Variants in SLC24A4 observed in about 807,000 individuals in gnomAD.
SLC24A4 encodes solute carrier family 24 member 4.
In SLC24A4, 53 loss-of-function variants were observed where a neutral mutation model predicts 79.0. That is an observed-to-expected ratio of 0.67 (90% CI 0.54 to 0.84). The LOEUF is 0.84. SLC24A4 is among the 40% of genes least tolerant of loss of function. The pLI is 0.00. For missense variants in SLC24A4, 731 were observed against 822.0 expected (o/e 0.89, Z 1.35); for synonymous variants, 323 against 323.8 (o/e 1.00, Z 0.03).
At chr14:92,325,133 A>G (rs911150115) in intron 1 of SLC24A4, among the ~76,000 whole-genome samples, 1 of 152,230 alleles carries the variant, frequency 6.6e-6, no homozygotes, top group Admixed American at 6.5e-5. Context: ...AGGCTCTTAG[A>G]CATCAGCATT....
intron 2 of SLC24A4, among the ~76,000 whole-genome samples, chr14:92,412,082 G>GT (rs1248233449): frequency 3.3e-5 from 5 of 152,182 alleles, no homozygotes; most frequent in African/African-American, 1.2e-4. Context: ...TCCCCAGCCA[G>GT]TCTCCCTCTA....
intron 14 of SLC24A4, among the ~76,000 whole-genome samples, chr14:92,489,085 G>T (rs777604806): frequency 3.9e-5 from 6 of 152,206 alleles, no homozygotes; most frequent in Middle Eastern, 3.4e-3. Flanking sequence ...CGGGGGTTGC[G>T]TAATAGTCCT....
chr14:92,488,363 C>T (rs977115957), intron 14 of SLC24A4, among the ~76,000 whole-genome samples: 26 of 152,316 alleles, frequency 1.7e-4, no homozygotes, highest in Admixed American at 1.4e-3. Context: ...TGAGCCACTG[C>T]ACCCAGCAGA....
At chr14:92,376,226 C>T (rs917787702) in intron 2 of SLC24A4, among the ~76,000 whole-genome samples, 2 of 152,160 alleles carry the variant, frequency 1.3e-5, no homozygotes, top group Non-Finnish European at 2.9e-5. Context: ...TACTTGGCCT[C>T]TCAAATGGAG....
intron 13 of SLC24A4, among the ~76,000 whole-genome samples, chr14:92,486,263 T>C (rs976767917): frequency 2.6e-5 from 4 of 152,170 alleles, no homozygotes; most frequent in Admixed American, 2.0e-4. Flanking sequence ...AAGAAATGAC[T>C]TCTGTAAAGT....
chr14:92,466,630 A>G (rs1244446154), intron 12 of SLC24A4, among the ~76,000 whole-genome samples: 1 of 152,256 alleles, frequency 6.6e-6, no homozygotes, highest in Non-Finnish European at 1.5e-5. Flanking sequence ...AGTGCTTCAC[A>G]TAAACATAGG....
intron 14 of SLC24A4, among the ~76,000 whole-genome samples, chr14:92,491,075 C>T (rs898922718): frequency 2.6e-5 from 4 of 152,208 alleles, no homozygotes; most frequent in Admixed American, 2.0e-4. Context: ...ACCCCAAGAT[C>T]GTTCTGGCAT....
At chr14:92,399,309 A>T (rs1228376523) in intron 2 of SLC24A4, among the ~76,000 whole-genome samples, 1 of 152,212 alleles carries the variant, frequency 6.6e-6, no homozygotes, top group African/African-American at 2.4e-5. Flanking sequence ...CTACGTAGGG[A>T]TAAAGATTTT....
At chr14:92,361,354 AG>A in intron 2 of SLC24A4, among the ~76,000 whole-genome samples, 1 of 151,554 alleles carries the variant, frequency 6.6e-6, no homozygotes, top group South Asian at 2.1e-4. Flanking sequence ...TAGAGAAGCA[AG>A]GTTGGGAAGG....
chr14:92,340,472 G>C (rs1169896687), intron 2 of SLC24A4, among the ~76,000 whole-genome samples: 1 of 152,234 alleles, frequency 6.6e-6, no homozygotes, highest in Non-Finnish European at 1.5e-5. Flanking sequence ...GCAGTAATAG[G>C]GTGGTGAGAG....
upstream of SLC24A4, chr14:92,322,765 C>T (rs959467341): frequency 6.6e-6 from 1 of 152,156 alleles, no homozygotes; most frequent in Non-Finnish European, 1.5e-5. Context: ...TTAATTTTCT[C>T]CTGCATCTTC....
intron 12 of SLC24A4, among the ~76,000 whole-genome samples, chr14:92,463,656 A>G (rs1272395861): frequency 1.3e-5 from 2 of 152,220 alleles, no homozygotes; most frequent in Non-Finnish European, 1.5e-5. Context: ...TTCATATAAC[A>G]GGTCTTTTTC....
intron 7 of SLC24A4, among the ~76,000 whole-genome samples, chr14:92,445,027 A>T (rs1245119621): frequency 2.0e-5 from 3 of 151,948 alleles, no homozygotes; most frequent in Non-Finnish European, 2.9e-5. Context: ...TACTCCATGA[A>T]TAAGGGGAGG....
intron 11 of SLC24A4, among the ~76,000 whole-genome samples, chr14:92,455,826 A>G (rs1440282657): frequency 1.3e-5 from 2 of 151,778 alleles, no homozygotes; most frequent in Non-Finnish European, 2.9e-5. Flanking sequence ...TCAGCCTCCT[A>G]AGTAGCTGGG....
rs1268348799 is a variant in SLC24A4, at chr14:92,501,311, A to G, written c.*7683A>G. 1.3e-5 allele frequency: 2 copies of G among 152,252 alleles called. No homozygotes were observed. The highest frequency in any genetic ancestry group is 1.9e-4 in the East Asian group (1 of 5,202). 9.4% of individuals were successfully genotyped at this position (152,252 alleles called of 1,614,324 possible). A position where few individuals can be genotyped will look rare whatever the true frequency, so the allele number is the denominator to read the frequency against. ...CTTAGTTTAATAAAACTGTCATTAA[A>G]TTTGAATGAATTGATATTATTGGTT... On this transcript the variant is annotated 3_prime_UTR_variant, in exon 17 of 17. Coordinates refer to ENST00000532405, the MANE Select transcript of SLC24A4 (RefSeq NM_153646.4).
intron 2 of SLC24A4, among the ~76,000 whole-genome samples, chr14:92,412,256 G>A (rs1019179141): frequency 1.3e-5 from 2 of 152,092 alleles, no homozygotes; most frequent in Non-Finnish European, 2.9e-5. Context: ...GCTCTTACCC[G>A]AAACGCATCT....
At chr14:92,491,020 A>G (rs1895647782) in intron 14 of SLC24A4, among the ~76,000 whole-genome samples, 1 of 152,192 alleles carries the variant, frequency 6.6e-6, no homozygotes, top group Non-Finnish European at 1.5e-5. Flanking sequence ...CTTAAAAACA[A>G]CTAAAACCAA....
Position 92,433,983 on chromosome 14 carries a change from C to T in SLC24A4, c.313C>T (p.Leu105Phe). The change falls in exon 3 of 17, where the codon CTT becomes TTT. Residue 105 changes from leucine to phenylalanine, a missense_variant. Leu to Phe is a conservative substitution (Grantham distance 22). Coordinates refer to ENST00000532405, the MANE Select transcript of SLC24A4 (RefSeq NM_153646.4). ...RQHGAVLLHI[L>F]GALYMFYALA... ...GCACGGAGCCGTCCTGCTGCACATC[C>T]TTGGTGTAAGTCGTCCTCCCAGAGT... The T allele has an allele frequency of 1.9e-6, 3 of 1,613,992 alleles. No individual in the cohort carries two copies. The highest frequency in any genetic ancestry group is 1.1e-5 in the South Asian group (1 of 91,072).
At chr14:92,474,863 A>ATATATATATATATATATATTTTT (rs36185636) in intron 12 of SLC24A4, among the ~76,000 whole-genome samples, 1 of 57,122 alleles carries the variant, frequency 1.8e-5, no homozygotes, top group Non-Finnish European at 3.4e-5. Flanking sequence ...ATATATATAT[A>ATATATATATATATATATATTTTT]TTTTTTTTTT....
Sources: gnomAD v4.1 joint callset for allele counts (sites outside exome capture counted in the v4.1 genomes callset) on GRCh38, gnomAD v4.1.1 for gene constraint, MANE v1.5 for transcripts, NCBI Gene and HGNC (gene_info 2026-07-23, HGNC 2026-07-21) for gene names.